Variants in TMEFF1 observed in about 807,000 individuals in gnomAD.
The protein encoded by TMEFF1 is tomoregulin-1.
Under a neutral mutation model 47.5 loss-of-function variants are expected in TMEFF1, and 20 were observed. The ratio of observed to expected loss-of-function variants is 0.42; its 90% CI spans 0.30 to 0.61. The LOEUF is 0.61. TMEFF1 is among the 20% of genes least tolerant of loss of function. TMEFF1 has a pLI of 0.19. For missense variants in TMEFF1, 411 were observed against 471.1 expected (o/e 0.87, Z 1.18); for synonymous variants, 162 against 166.3 (o/e 0.97, Z 0.20).
At chr9:100,512,539 C>G (rs941540480) in intron 3 of TMEFF1, among the ~76,000 whole-genome samples, 1 of 152,164 alleles carries the variant, frequency 6.6e-6, no homozygotes, top group Admixed American at 6.5e-5. Flanking sequence ...CTTGCTCTCT[C>G]TGCTTTTTAA....
chr9:100,500,360 T>A lies in TMEFF1; in HGVS notation c.306+1486T>A, dbSNP rs145888431. Among the ~76,000 whole-genome samples, 61 of 152,308 alleles carry A rather than the reference T, an allele frequency of 4.0e-4. No homozygotes were observed. The East Asian group carries it at 0.011, about 27-fold the overall frequency. ...TTAAAATTTTTTTTCTGCTTATTAT[T>A]TCTTATAATCTGGGACTTCCATGAT... On this transcript the variant is annotated intron_variant, in intron 2 of 9. Coordinates refer to ENST00000374879, the MANE Select transcript of TMEFF1 (RefSeq NM_003692.5).
In TMEFF1 at chr9:100,543,369, T is replaced by A. The variant is rs534345767; in HGVS notation, c.561-4375T>A. ...AAATCTGCCCATTGCATTTCTTATA[T>A]CTAGTAATATATTGTTTATTTCTGG... On this transcript the variant is annotated intron_variant, in intron 5 of 9. Transcript: ENST00000374879. Among the ~76,000 whole-genome samples, 17 of 152,316 alleles carry A rather than the reference T, an allele frequency of 1.1e-4. No homozygotes were observed. The East Asian group carries it at 1.7e-3, about 16-fold the overall frequency.
chr9:100,540,763 A>G lies in TMEFF1; in HGVS notation c.561-6981A>G, dbSNP rs374203192. Among the ~76,000 whole-genome samples the G allele has an allele frequency of 1.1e-3, 168 of 152,266 alleles. 1 individual carries two copies. Among genetic ancestry groups the G allele is most frequent in the African/African-American group, 3.5e-3 (147 of 41,558 alleles). Reference sequence around the variant, plus strand: ...TTGTCCTTGTTTTTGACTTTTGCCAATTTCGTGAGTGTGGATGGTATCTCA... The same window carrying G: ...TTGTCCTTGTTTTTGACTTTTGCCAGTTTCGTGAGTGTGGATGGTATCTCA... On this transcript the variant is annotated intron_variant, in intron 5 of 9. Transcript: ENST00000374879.
intron 5 of TMEFF1, among the ~76,000 whole-genome samples, chr9:100,527,711 G>T (rs1056466307): frequency 7.2e-5 from 11 of 152,184 alleles, no homozygotes; most frequent in Admixed American, 2.0e-4. Flanking sequence ...CAAAGCAGCC[G>T]GGAAGCTCGA....
intron 8 of TMEFF1, among the ~76,000 whole-genome samples, chr9:100,568,083 G>T (rs1464825967): frequency 6.6e-6 from 1 of 152,190 alleles, no homozygotes; most frequent in Non-Finnish European, 1.5e-5. Flanking sequence ...CATGGGAGTT[G>T]TGGGAGTTAC....
At chr9:100,528,974 T>G (rs1042476062) in intron 5 of TMEFF1, among the ~76,000 whole-genome samples, 8 of 146,834 alleles carry the variant, frequency 5.4e-5, no homozygotes, top group African/African-American at 1.0e-4. Flanking sequence ...ACCCAGAATT[T>G]CATATCCAGC....
intron 1 of TMEFF1, among the ~76,000 whole-genome samples, chr9:100,474,271 G>T (rs953779401): frequency 2.6e-5 from 4 of 151,828 alleles, no homozygotes; most frequent in African/African-American, 7.3e-5. Context: ...GGGTCGTGTG[G>T]ATAAAGGGAA....
Position 100,576,888 on chromosome 9 carries a change from A to G in TMEFF1, c.*288A>G. On this transcript the variant is annotated 3_prime_UTR_variant, in exon 10 of 10. Coordinates refer to ENST00000374879, the MANE Select transcript of TMEFF1 (RefSeq NM_003692.5). ...TTTTTGCAAAGATGGACTACTTCACAAATGGTTATAAAGTCATATCCACTT... is the reference window on the plus strand; with the variant it reads ...TTTTTGCAAAGATGGACTACTTCACGAATGGTTATAAAGTCATATCCACTT... The G allele has an allele frequency of 4.1e-6, 1 of 244,850 alleles. No individual in the cohort carries two copies. Among genetic ancestry groups the G allele is most frequent in the South Asian group, 9.7e-5 (1 of 10,274 alleles). The allele number at this position is 244,850 out of a possible 1,614,324, so 15.2% of individuals were successfully genotyped here.
At position 100,508,007 on chromosome 9, in the gene TMEFF1, C is replaced by T. The variant is rs146012218; in HGVS notation, c.307-998C>T. On this transcript the variant is annotated intron_variant, in intron 2 of 9. Coordinates refer to ENST00000374879, the MANE Select transcript of TMEFF1 (RefSeq NM_003692.5). The stretch of plus-strand genomic sequence containing the variant: ...ACCAAAACTGGTGTAGTGGGATGTC[C>T]ACCTAATTGAATTTTTTAATAGCCA... Among the ~76,000 whole-genome samples, 6 of 152,108 alleles carry T rather than the reference C, an allele frequency of 3.9e-5. No homozygotes were observed. The East Asian group carries it at 1.2e-3, about 29-fold the overall frequency.
intron 1 of TMEFF1, 88 bp from the exon 2 acceptor site, chr9:100,498,676 CT>C (rs3215927): frequency 0.038 from 47,492 of 1,250,920 alleles, 2,791 homozygotes; most frequent in South Asian, 0.2. Context: ...ATTTTAAGGA[CT>C]TTTTCATACA....
chr9:100,515,418 A>C (rs922222449), intron 4 of TMEFF1, among the ~76,000 whole-genome samples: 1 of 152,134 alleles, frequency 6.6e-6, no homozygotes, highest in Non-Finnish European at 1.5e-5. Context: ...CAGACACCAA[A>C]AATTAGAAGT....
At chr9:100,571,548 A>G (rs55757829) in intron 8 of TMEFF1, among the ~76,000 whole-genome samples, 6,665 of 152,126 alleles carry the variant, frequency 0.044, 307 homozygotes, top group South Asian at 0.21. Flanking sequence ...CACAATGTCT[A>G]TACATTTCCA....
At chr9:100,568,356 T>G (rs1161528160) in intron 8 of TMEFF1, among the ~76,000 whole-genome samples, 2 of 152,322 alleles carry the variant, frequency 1.3e-5, no homozygotes, top group South Asian at 4.1e-4. Flanking sequence ...ATGAAGGACA[T>G]TATTTAAAAA....
chr9:100,547,921 C>T, intron 6 of TMEFF1, 29 bp downstream of exon 6: 2 of 1,516,788 alleles, frequency 1.3e-6, no homozygotes, highest in South Asian at 1.4e-5. Flanking sequence ...ATTCAGAGAC[C>T]CATCTTTATT....
intron 1 of TMEFF1, among the ~76,000 whole-genome samples, chr9:100,495,992 C>G (rs1837643562): frequency 6.6e-6 from 1 of 152,248 alleles, no homozygotes; most frequent in Non-Finnish European, 1.5e-5. Flanking sequence ...CTTATGCTAT[C>G]CTGCTAGATA....
intron 2 of TMEFF1, among the ~76,000 whole-genome samples, chr9:100,502,838 G>A (rs1451409337): frequency 6.6e-6 from 1 of 152,222 alleles, no homozygotes; most frequent in Admixed American, 6.5e-5. Flanking sequence ...TATGTTGGGA[G>A]TTGACACCAT....
At chr9:100,547,314 C>A (rs902316736) in intron 5 of TMEFF1, among the ~76,000 whole-genome samples, 6 of 152,096 alleles carry the variant, frequency 3.9e-5, no homozygotes, top group Non-Finnish European at 8.8e-5. Flanking sequence ...TCATGCCTGG[C>A]CATTATTATT....
intron 1 of TMEFF1, among the ~76,000 whole-genome samples, chr9:100,478,291 T>C (rs1837272085): frequency 6.6e-6 from 1 of 152,220 alleles, no homozygotes; most frequent in South Asian, 2.1e-4. Flanking sequence ...TTGGTTTATC[T>C]CTTCTTGTTC....
intron 5 of TMEFF1, among the ~76,000 whole-genome samples, chr9:100,544,108 C>CT (rs971485594): frequency 2.1e-5 from 3 of 141,638 alleles, no homozygotes; most frequent in African/African-American, 7.9e-5. Context: ...ATATATATAA[C>CT]TTTTTTAGGG....
Sources: allele counts gnomAD v4.1 joint callset (sites outside exome capture counted in the v4.1 genomes callset), GRCh38; gene constraint gnomAD v4.1.1; transcripts MANE v1.5; gene names NCBI Gene and HGNC (gene_info 2026-07-23, HGNC 2026-07-21).